The following CSMD1 variants were observed in gnomAD, a reference collection of about 807,000 sequenced individuals.
The protein encoded by CSMD1 is CUB and Sushi multiple domains 1, also known as CUB and sushi domain-containing protein 1.
A neutral mutation model predicts 417.5 loss-of-function variants in CSMD1; 213 were observed. That is an observed-to-expected ratio of 0.51 (90% CI 0.46 to 0.57). The LOEUF (loss-of-function observed/expected upper bound fraction) is 0.57, where lower values mean the gene tolerates loss of function less well. CSMD1 is among the 20% of genes least tolerant of loss of function. The pLI is 0.00. For missense variants in CSMD1, 6,923 were observed against 4,529.7 expected (o/e 1.53, Z -15.17); for synonymous variants, 2,862 against 1,736.8 (o/e 1.65, Z -16.11).
intron 10 of CSMD1, among the ~76,000 whole-genome samples, chr8:3,520,241 G>C (rs879260495): frequency 7.2e-5 from 11 of 151,790 alleles, no homozygotes; most frequent in African/African-American, 1.7e-4. Context: ...TTGATTATAG[G>C]TTGGCCAGAG....
At chr8:3,883,384 T>A (rs781139187) in intron 5 of CSMD1, among the ~76,000 whole-genome samples, 2 of 152,152 alleles carry the variant, frequency 1.3e-5, no homozygotes, top group African/African-American at 4.8e-5. Context: ...CGATTTCTCA[T>A]AGTTTTAAAC....
intron 5 of CSMD1, among the ~76,000 whole-genome samples, chr8:3,938,294 C>T (rs1433346071): frequency 6.6e-6 from 1 of 152,018 alleles, no homozygotes; most frequent in Non-Finnish European, 1.5e-5. Context: ...AAACTGCATG[C>T]TGGAGTTCCT....
intron 5 of CSMD1, among the ~76,000 whole-genome samples, chr8:3,898,944 T>C (rs1257319126): frequency 6.6e-6 from 1 of 152,094 alleles, no homozygotes; most frequent in African/African-American, 2.4e-5. Flanking sequence ...CCTCAAAAAT[T>C]TTATGGGAAA....
intron 3 of CSMD1, among the ~76,000 whole-genome samples, chr8:4,324,765 T>C (rs1799461518): frequency 6.6e-6 from 1 of 152,170 alleles, no homozygotes; most frequent in Non-Finnish European, 1.5e-5. Flanking sequence ...TTCAGCCCCA[T>C]AAACAAACAT....
At chr8:4,593,689 G>A (rs1040743884) in intron 2 of CSMD1, among the ~76,000 whole-genome samples, 1 of 152,126 alleles carries the variant, frequency 6.6e-6, no homozygotes, top group African/African-American at 2.4e-5. Context: ...CTACTTCCAT[G>A]TAATAAGCAC....
chr8:4,374,999 C>T (rs1222522261), intron 3 of CSMD1, among the ~76,000 whole-genome samples: 1 of 133,686 alleles, frequency 7.5e-6, no homozygotes, highest in African/African-American at 2.8e-5. Context: ...GGGCAAGGAG[C>T]AATAGTGGGG....
At chr8:4,481,416 T>G (rs1004530690) in intron 2 of CSMD1, among the ~76,000 whole-genome samples, 2 of 152,240 alleles carry the variant, frequency 1.3e-5, no homozygotes, top group African/African-American at 4.8e-5. Context: ...GGATCACAGT[T>G]GAATTGGCAG....
chr8:4,719,115 G>A (rs1470103052), intron 1 of CSMD1, among the ~76,000 whole-genome samples: 4 of 152,100 alleles, frequency 2.6e-5, no homozygotes, highest in African/African-American at 9.7e-5. Flanking sequence ...AAGAAGCTCT[G>A]AATGATGAAC....
intron 68 of CSMD1, among the ~76,000 whole-genome samples, chr8:2,944,259 C>T (rs551565238): frequency 5.9e-5 from 9 of 152,228 alleles, no homozygotes; most frequent in East Asian, 1.9e-4. Flanking sequence ...AAGCGAGGGA[C>T]GCAAAACATT....
chr8:4,923,820 A>G (rs4507787), intron 1 of CSMD1, among the ~76,000 whole-genome samples: 103,825 of 151,954 alleles, frequency 0.68, 36,170 homozygotes, highest in African/African-American at 0.8. Context: ...TCCAATAATG[A>G]GTTTTCAATA....
intron 3 of CSMD1, among the ~76,000 whole-genome samples, chr8:4,233,406 T>C (rs569885405): frequency 6.6e-6 from 1 of 152,208 alleles, no homozygotes; most frequent in Non-Finnish European, 1.5e-5. Context: ...TTCCACAAAA[T>C]TCATGTGTTG....
At chr8:4,150,758 G>C (rs1005001443) in intron 3 of CSMD1, among the ~76,000 whole-genome samples, 1 of 152,142 alleles carries the variant, frequency 6.6e-6, no homozygotes, top group Non-Finnish European at 1.5e-5. Flanking sequence ...AAACCAACCT[G>C]CTTTATCTAA....
intron 3 of CSMD1, among the ~76,000 whole-genome samples, chr8:4,119,009 CAT>C (rs1802321688): frequency 6.6e-6 from 1 of 152,170 alleles, no homozygotes. Context: ...CCAAACACCA[CAT>C]GTTCTCACTC....
intron 2 of CSMD1, among the ~76,000 whole-genome samples, chr8:4,551,245 G>A (rs981210757): frequency 4.0e-5 from 6 of 149,254 alleles, no homozygotes; most frequent in African/African-American, 9.7e-5. Flanking sequence ...CGAATGCAGA[G>A]GCAGGCTATC....
rs914595413 is a variant in CSMD1, at chr8:4,723,797, A to AAC, written c.86-86240_86-86239insGT. 1.0e-4 allele frequency among the ~76,000 whole-genome samples: 15 copies of AAC among 146,552 alleles called. No individual in the cohort carries two copies. The East Asian group carries it at 1.4e-3, about 14-fold the overall frequency. On this transcript the variant is annotated intron_variant, in intron 1 of 69. Transcript: ENST00000635120. ...ATATGCTTTCGAATGTAAAAAAAAA[A>AAC]AAACAAAAAAAAAACAAAACAAAAC... is the stretch of plus-strand genomic sequence containing the variant.
At chr8:4,605,896 T>A (rs1330686786) in intron 2 of CSMD1, among the ~76,000 whole-genome samples, 1 of 152,108 alleles carries the variant, frequency 6.6e-6, no homozygotes, top group Non-Finnish European at 1.5e-5. Flanking sequence ...ACATTTGGAA[T>A]GTTCCCGAGA....
intron 2 of CSMD1, among the ~76,000 whole-genome samples, chr8:4,485,249 C>A (rs1375047432): frequency 2.0e-5 from 3 of 152,142 alleles, no homozygotes; most frequent in African/African-American, 7.2e-5. Context: ...GATGAAGCAC[C>A]ATCATGTTCA....
At chr8:4,648,568 T>C (rs1449126966) in intron 1 of CSMD1, among the ~76,000 whole-genome samples, 1 of 152,182 alleles carries the variant, frequency 6.6e-6, no homozygotes, top group Non-Finnish European at 1.5e-5. Flanking sequence ...TTAGTGTCTA[T>C]CTGCACAAAA....
intron 7 of CSMD1, among the ~76,000 whole-genome samples, chr8:3,644,146 C>G (rs1797456534): frequency 6.6e-6 from 1 of 152,172 alleles, no homozygotes; most frequent in African/African-American, 2.4e-5. Flanking sequence ...TGCAAATTTT[C>G]AAAATGTTAG....
Sources: gnomAD v4.1 joint callset for allele counts (sites outside exome capture counted in the v4.1 genomes callset) on GRCh38, gnomAD v4.1.1 for gene constraint, MANE v1.5 for transcripts, NCBI Gene and HGNC (gene_info 2026-07-23, HGNC 2026-07-21) for gene names.